Variants in DOCK4 observed in about 807,000 individuals in gnomAD.
DOCK4 encodes dedicator of cytokinesis 4, also known as dedicator of cytokinesis protein 4.
Under a neutral mutation model 268.1 loss-of-function variants are expected in DOCK4, and 97 were observed. The observed-to-expected ratio is 0.36, with a 90% CI of 0.31 to 0.43. DOCK4 has a LOEUF of 0.43. Among genes scored for constraint, DOCK4 ranks in the 20% least tolerant of loss-of-function variants. The pLI is 1.00. For missense variants in DOCK4, 2,145 were observed against 2,455.7 expected, an observed-to-expected ratio of 0.87 and a Z score of 2.67; for synonymous variants, 954 against 887.2, an observed-to-expected ratio of 1.08 and a Z score of -1.34.
intron 23 of DOCK4, among the ~76,000 whole-genome samples, chr7:111,849,183 A>G (rs1327257201): frequency 6.6e-6 from 1 of 151,844 alleles, no homozygotes; most frequent in Non-Finnish European, 1.5e-5. Flanking sequence ...CAGAATGCCA[A>G]GGACCTGAAC....
chr7:112,091,735 C>T (rs542540101), intron 1 of DOCK4, among the ~76,000 whole-genome samples: 1 of 152,244 alleles, frequency 6.6e-6, no homozygotes, highest in East Asian at 1.9e-4. Context: ...GAAGGCTGTA[C>T]CCACTGATGC....
At chr7:112,087,860 C>T (rs1809247109) in intron 1 of DOCK4, among the ~76,000 whole-genome samples, 1 of 152,036 alleles carries the variant, frequency 6.6e-6, no homozygotes, top group South Asian at 2.1e-4. Context: ...GAAATACAGC[C>T]CTGTTTAGAC....
intron 40 of DOCK4, 24 bp from the exon 41 acceptor site, chr7:111,758,814 G>A (rs759914340): frequency 6.8e-6 from 11 of 1,611,546 alleles, no homozygotes; most frequent in Admixed American, 1.7e-5. Flanking sequence ...GTCAAGGAGA[G>A]AACCTGACTT....
intron 1 of DOCK4, among the ~76,000 whole-genome samples, chr7:112,029,715 A>G (rs1803114851): frequency 6.6e-6 from 1 of 152,174 alleles, no homozygotes; most frequent in Non-Finnish European, 1.5e-5. Context: ...CGGTAATTGC[A>G]CTCACTGGGT....
chr7:111,747,238 T>G (rs766313582), intron 43 of DOCK4, 29 bp downstream of exon 43: 2 of 1,590,820 alleles, frequency 1.3e-6, no homozygotes, highest in South Asian at 2.3e-5. Context: ...TTGAAAACTT[T>G]CTCTGAAACA....
chr7:111,893,493 A>G lies in DOCK4; in HGVS notation c.1587+2119T>C, dbSNP rs537469236. ...AGTTATCTCAGCCTTATCTTTTCTG[A>G]GCTAAGATTTAATGTTACAAAGACA... On this transcript the variant is annotated intron_variant, in intron 16 of 52. Transcript: ENST00000428084. Among the ~76,000 whole-genome samples, 3 of 152,270 alleles carry G rather than the reference A, an allele frequency of 2.0e-5. No homozygotes were observed. The East Asian group carries it at 5.8e-4, about 29-fold the overall frequency.
At chr7:111,935,996 A>G (rs976724729) in intron 11 of DOCK4, among the ~76,000 whole-genome samples, 1 of 152,160 alleles carries the variant, frequency 6.6e-6, no homozygotes, top group Non-Finnish European at 1.5e-5. Flanking sequence ...TCTTTAGGTG[A>G]GTTTATTTAC....
chr7:111,902,790 A>G (rs973478237), intron 13 of DOCK4, among the ~76,000 whole-genome samples: 2 of 152,164 alleles, frequency 1.3e-5, no homozygotes, highest in African/African-American at 4.8e-5. Flanking sequence ...GAGAAAAAAA[A>G]GGGAGGTCTC....
intron 1 of DOCK4, among the ~76,000 whole-genome samples, chr7:112,161,137 G>A (rs1817082239): frequency 6.6e-6 from 1 of 152,122 alleles, no homozygotes; most frequent in African/African-American, 2.4e-5. Flanking sequence ...GCGACCGCTA[G>A]TCAGTCTTCA....
chr7:112,105,956 GC>G lies in DOCK4; in HGVS notation c.37+100145del, dbSNP rs1412641487. On this transcript the variant is annotated intron_variant, in intron 1 of 52. Coordinates refer to ENST00000428084, the MANE Select transcript of DOCK4 (RefSeq NM_001363540.2). ...TGCTCCTTCCTCAGCCTCCTAAAGT[GC>G]TGGGATCACAGGCATGAGCCACTGC... 9.2e-5 allele frequency among the ~76,000 whole-genome samples: 14 copies of G among 152,290 alleles called. No individual in the cohort carries two copies. The East Asian group carries it at 2.7e-3, about 29-fold the overall frequency.
intron 1 of DOCK4, among the ~76,000 whole-genome samples, chr7:112,100,647 A>G (rs1196958574): frequency 6.6e-6 from 1 of 152,244 alleles, no homozygotes; most frequent in Admixed American, 6.5e-5. Flanking sequence ...CATATATCAA[A>G]GTGCATCAGA....
intron 16 of DOCK4, among the ~76,000 whole-genome samples, chr7:111,884,640 C>T (rs1049268838): frequency 7.9e-5 from 12 of 151,994 alleles, no homozygotes; most frequent in African/African-American, 2.9e-4. Context: ...GCAATAAGCT[C>T]ACGAATCTTA....
chr7:111,760,170 G>C lies in DOCK4; in HGVS notation c.4162+11C>G. The C allele has an allele frequency of 6.2e-7, 1 of 1,613,786 alleles. No individual in the cohort carries two copies. The highest frequency in any genetic ancestry group is 8.5e-7 in the Non-Finnish European group (1 of 1,179,736). ...AATCTCACTGAGTCCAGCCCTTGTAGGTGCGGATACACTGAGCTTCTGCCT... is the reference window on the plus strand; with the variant it reads ...AATCTCACTGAGTCCAGCCCTTGTACGTGCGGATACACTGAGCTTCTGCCT... On this transcript the variant is annotated intron_variant, in intron 40 of 52. Transcript: ENST00000428084.
chr7:111,950,555 T>C (rs767949466), intron 8 of DOCK4, among the ~76,000 whole-genome samples: 3 of 152,232 alleles, frequency 2.0e-5, no homozygotes, highest in Non-Finnish European at 4.4e-5. Context: ...AGTGAATGAT[T>C]TGGTATTCTT....
At chr7:112,013,577 C>T (rs1243042081) in intron 1 of DOCK4, among the ~76,000 whole-genome samples, 3 of 152,184 alleles carry the variant, frequency 2.0e-5, no homozygotes, top group African/African-American at 7.2e-5. Context: ...TTTCCCATTG[C>T]TTTTCCCTCC....
At chr7:111,938,860 A>G (rs1232335922) in intron 11 of DOCK4, among the ~76,000 whole-genome samples, 3 of 151,960 alleles carry the variant, frequency 2.0e-5, no homozygotes, top group African/African-American at 7.3e-5. Context: ...CTGTAATCCC[A>G]GCTACTCAGG....
At position 112,031,780 on chromosome 7, in the gene DOCK4, A is replaced by C. The variant is rs78892259; in HGVS notation, c.38-27649T>G. Among the ~76,000 whole-genome samples, 876 of 152,320 alleles carry C rather than the reference A, an allele frequency of 5.8e-3. 21 individuals are homozygous for C. Among genetic ancestry groups the C allele is most frequent in the South Asian group, 0.05 (240 of 4,830 alleles). ...TAAAACTATTAAATGAACCGCTGAA[A>C]CATACAGGTTTATAAGAGAGATGCT... On this transcript the variant is annotated intron_variant, in intron 1 of 52. Transcript: ENST00000428084.
At chr7:111,812,055 C>T in intron 27 of DOCK4, 106 bp from the exon 28 acceptor site, 1 of 572,780 alleles carries the variant, frequency 1.7e-6, no homozygotes, top group Non-Finnish European at 3.0e-6. Context: ...CTTCAGTAAG[C>T]ATCTGGAGCA....
At chr7:112,109,053 C>T (rs762693486) in intron 1 of DOCK4, among the ~76,000 whole-genome samples, 6 of 151,998 alleles carry the variant, frequency 3.9e-5, no homozygotes, top group African/African-American at 1.5e-4. Flanking sequence ...GTAAGAGGAA[C>T]GTGCCTTTGC....
Sources: allele counts gnomAD v4.1 joint callset (sites outside exome capture counted in the v4.1 genomes callset), GRCh38; gene constraint gnomAD v4.1.1; transcripts MANE v1.5; gene names NCBI Gene and HGNC (gene_info 2026-07-23, HGNC 2026-07-21).